Variants in VPS13B observed in about 807,000 individuals in gnomAD.
The protein encoded by VPS13B is vacuolar protein sorting 13 homolog B.
VPS13B carries 285 observed loss-of-function variants against 426.4 expected under a neutral mutation model. That is an observed-to-expected ratio of 0.67 (90% CI 0.61 to 0.74). The LOEUF is 0.74. Among genes scored for constraint, VPS13B ranks in the 30% least tolerant of loss-of-function variants. The pLI is 0.00. For synonymous variants in VPS13B, 1,676 were observed against 1,676.4 expected (o/e 1.00, Z 0.01); for missense variants, 4,537 against 4,782.6 (o/e 0.95, Z 1.51).
chr8:99,101,103 G>C (rs888885854), intron 4 of VPS13B, among the ~76,000 whole-genome samples: 1 of 151,760 alleles, frequency 6.6e-6, no homozygotes, highest in Non-Finnish European at 1.5e-5. Context: ...ACCAATATTA[G>C]TCATGCTCAC....
intron 35 of VPS13B, among the ~76,000 whole-genome samples, chr8:99,699,178 G>A (rs1413973694): frequency 1.5e-5 from 2 of 131,924 alleles, no homozygotes; most frequent in African/African-American, 5.6e-5. Context: ...GTTTCATATA[G>A]GTAACAAACT....
At chr8:99,102,160 A>T (rs910206176) in intron 4 of VPS13B, among the ~76,000 whole-genome samples, 3 of 152,184 alleles carry the variant, frequency 2.0e-5, no homozygotes, top group African/African-American at 7.2e-5. Flanking sequence ...TAAGCAAGCC[A>T]TGGAGAAATA....
At chr8:99,845,443 TG>T (rs1395435609) in intron 54 of VPS13B, among the ~76,000 whole-genome samples, 7 of 152,198 alleles carry the variant, frequency 4.6e-5, no homozygotes, top group Non-Finnish European at 1.0e-4. Flanking sequence ...AGGATGAGCC[TG>T]GGATCACTCG....
At chr8:99,425,837 A>G (rs1199466888) in intron 21 of VPS13B, among the ~76,000 whole-genome samples, 2 of 152,246 alleles carry the variant, frequency 1.3e-5, no homozygotes, top group African/African-American at 4.8e-5. Flanking sequence ...TTAAGCTGAT[A>G]GGCAACTTCA....
chr8:99,808,535 T>A (rs1406172935), intron 43 of VPS13B, among the ~76,000 whole-genome samples: 4 of 151,272 alleles, frequency 2.6e-5, no homozygotes, highest in Admixed American at 1.3e-4. Flanking sequence ...AAAAGTCAGT[T>A]GTCTTTCCTT....
At chr8:99,250,201 C>A (rs150793845) in intron 17 of VPS13B, among the ~76,000 whole-genome samples, 1 of 151,932 alleles carries the variant, frequency 6.6e-6, no homozygotes, top group Non-Finnish European at 1.5e-5. Context: ...TGTTTTTAGC[C>A]CATTTTCTAA....
intron 51 of VPS13B, among the ~76,000 whole-genome samples, chr8:99,829,664 G>A (rs547748594): frequency 3.5e-4 from 53 of 152,314 alleles, no homozygotes; most frequent in African/African-American, 1.3e-3. Flanking sequence ...ATCCTTTGGA[G>A]GAGAAGAGGC....
rs1024290529 is a variant in VPS13B, at chr8:99,055,776, C to T, written c.291+17210C>T. Among the ~76,000 whole-genome samples, 5 of 152,088 alleles carry T rather than the reference C, an allele frequency of 3.3e-5. No individual in the cohort carries two copies. In the East Asian group the frequency reaches 7.7e-4, roughly 23 times the overall value. ...ATGAGGTCTTACTTTGTCACCCAAG[C>T]TGCAGTGCAGTGATGTGATCATGGC... On this transcript the variant is annotated intron_variant, in intron 3 of 61. Coordinates refer to ENST00000357162, the MANE Select transcript of VPS13B (RefSeq NM_152564.5).
At chr8:99,635,103 A>T (rs1379149055) in intron 33 of VPS13B, among the ~76,000 whole-genome samples, 1 of 151,970 alleles carries the variant, frequency 6.6e-6, no homozygotes, top group Non-Finnish European at 1.5e-5. Context: ...GCAAATGTTT[A>T]CACAATGAGG....
chr8:99,301,398 A>G (rs1452602234), intron 19 of VPS13B, among the ~76,000 whole-genome samples: 4 of 151,616 alleles, frequency 2.6e-5, no homozygotes, highest in South Asian at 2.1e-4. Context: ...GGTTCAAGCA[A>G]TTCTCCTGCC....
intron 3 of VPS13B, among the ~76,000 whole-genome samples, chr8:99,069,680 T>G (rs1178056734): frequency 6.6e-6 from 1 of 152,166 alleles, no homozygotes; most frequent in Non-Finnish European, 1.5e-5. Flanking sequence ...ATCATTACCA[T>G]TCAGGGTTAT....
intron 36 of VPS13B, among the ~76,000 whole-genome samples, chr8:99,704,484 G>T (rs1832416547): frequency 6.6e-6 from 1 of 152,122 alleles, no homozygotes; most frequent in African/African-American, 2.4e-5. Flanking sequence ...TAGTAAATTA[G>T]ATATGACTAC....
At position 99,318,761 on chromosome 8, in the gene VPS13B, T is replaced by A. The variant is rs181428878; in HGVS notation, c.2824+43507T>A. Among the ~76,000 whole-genome samples the A allele has an allele frequency of 6.3e-3, 959 of 152,248 alleles. 8 individuals are homozygous for A. Among genetic ancestry groups the A allele is most frequent in the African/African-American group, 0.022 (900 of 41,534 alleles). Reference sequence around the variant, plus strand: ...TGGTCTTAAACTTCTGACCTCGTGATCCACCTGCCTCAGCCTCCCAAAGTG... The same window carrying A: ...TGGTCTTAAACTTCTGACCTCGTGAACCACCTGCCTCAGCCTCCCAAAGTG... On this transcript the variant is annotated intron_variant, in intron 19 of 61. Transcript: ENST00000357162.
intron 36 of VPS13B, among the ~76,000 whole-genome samples, chr8:99,702,245 T>A (rs1832313754): frequency 6.6e-6 from 1 of 152,218 alleles, no homozygotes; most frequent in African/African-American, 2.4e-5. Context: ...TTTTATACTT[T>A]AGTATATCTT....
rs1830997606 is a variant in VPS13B at position 99,677,682 on chromosome 8, G to A, written c.6046+16191G>A. Among the ~76,000 whole-genome samples, 3 of 152,166 alleles carry A rather than the reference G, an allele frequency of 2.0e-5. No individual in the cohort carries two copies. The South Asian group carries it at 6.2e-4, about 32-fold the overall frequency. On this transcript the variant is annotated intron_variant, in intron 35 of 61. Transcript: ENST00000357162. ...AGGCTGGTTGTGCAGTTGGCAGGGA[G>A]GTAGGGGGCCAGTACTAGGTCTCAT...
intron 2 of VPS13B, among the ~76,000 whole-genome samples, chr8:99,037,946 A>G (rs1382662461): frequency 6.6e-6 from 1 of 151,930 alleles, no homozygotes; most frequent in Non-Finnish European, 1.5e-5. Flanking sequence ...CTATTAGTTT[A>G]AAATATATTT....
intron 31 of VPS13B, among the ~76,000 whole-genome samples, chr8:99,566,135 G>T (rs1294027257): frequency 6.6e-6 from 1 of 152,040 alleles, no homozygotes; most frequent in African/African-American, 2.4e-5. Flanking sequence ...GGCTGAGAGT[G>T]TCCTGTGGCA....
intron 33 of VPS13B, among the ~76,000 whole-genome samples, chr8:99,607,710 T>C (rs1827660138): frequency 2.0e-5 from 3 of 152,212 alleles, no homozygotes; most frequent in Admixed American, 2.0e-4. Flanking sequence ...AGGGAACTTT[T>C]ATTTATGTGG....
chr8:99,825,367 G>A (rs528902508), intron 51 of VPS13B, among the ~76,000 whole-genome samples: 1 of 151,674 alleles, frequency 6.6e-6, no homozygotes, highest in South Asian at 2.1e-4. Context: ...CCACGTAAAT[G>A]TCTTCTTTTG....
Sources: gnomAD v4.1 joint callset for allele counts (sites outside exome capture counted in the v4.1 genomes callset) on GRCh38, gnomAD v4.1.1 for gene constraint, MANE v1.5 for transcripts, NCBI Gene and HGNC (gene_info 2026-07-23, HGNC 2026-07-21) for gene names.